RAB6A: variants seen among roughly 807,000 people sequenced by gnomAD.
RAB6A encodes the protein RAB6A, member RAS oncogene family.
Under a neutral mutation model 32.3 loss-of-function variants are expected in RAB6A, and 8 were observed. That is an observed-to-expected ratio of 0.25 (90% CI 0.15 to 0.45). The LOEUF (loss-of-function observed/expected upper bound fraction) is 0.45, where lower values mean the gene tolerates loss of function less well. Among genes scored for constraint, RAB6A ranks in the 20% least tolerant of loss-of-function variants. The probability of loss-of-function intolerance (pLI) is 1.00; values close to 1 mark genes in which losing one functional copy is unlikely to be tolerated. For synonymous variants in RAB6A, 73 were observed against 82.1 expected (o/e 0.89, Z 0.60); for missense variants, 104 against 249.4 (o/e 0.42, Z 3.93).
chr11:73,730,316 T>C (rs1946284120), intron 2 of RAB6A: 1 of 153,574 alleles, frequency 6.5e-6, no homozygotes, highest in African/African-American at 2.4e-5. Flanking sequence ...CATTTTCTAA[T>C]TTCTCTTGTG....
chr11:73,676,562 GTTAA>G lies in RAB6A; in HGVS notation c.*1332_*1335del, dbSNP rs201633357. 877 of 165,470 alleles carry G rather than the reference GTTAA, an allele frequency of 5.3e-3. 11 individuals carry two copies. Among genetic ancestry groups the G allele is most frequent in the African/African-American group, 0.02 (836 of 41,186 alleles). The allele number at this position is 165,470 out of a possible 1,614,324, so 10.3% of individuals were successfully genotyped here. ...GCTTAAATATAAAACTAAATCACCA[GTTAA>G]TTAAACTATACAGATCTAATACAAA... On this transcript the variant is annotated 3_prime_UTR_variant, in exon 8 of 8. Coordinates refer to ENST00000336083, the MANE Select transcript of RAB6A (RefSeq NM_198896.2).
intron 3 of RAB6A, among the ~76,000 whole-genome samples, chr11:73,720,214 CTT>C (rs539425151): frequency 0.012 from 1,713 of 145,618 alleles, 14 homozygotes; most frequent in Non-Finnish European, 0.019. Flanking sequence ...GAGTTTCGCT[CTT>C]GTTGCCCAGG....
At chr11:73,711,241 T>G (rs1945953108) in intron 5 of RAB6A, among the ~76,000 whole-genome samples, 1 of 152,164 alleles carries the variant, frequency 6.6e-6, no homozygotes, top group Non-Finnish European at 1.5e-5. Flanking sequence ...TGGAAGTACT[T>G]GATGCTGAGC....
chr11:73,723,010 T>C lies in RAB6A; in HGVS notation c.130-2111A>G, dbSNP rs143247959. Among the ~76,000 whole-genome samples the C allele has an allele frequency of 5.3e-3, 810 of 152,280 alleles. 7 individuals are homozygous for C. Among genetic ancestry groups the C allele is most frequent in the African/African-American group, 0.018 (738 of 41,552 alleles). On this transcript the variant is annotated intron_variant, in intron 2 of 7. Coordinates refer to ENST00000336083, the MANE Select transcript of RAB6A (RefSeq NM_198896.2). Reference sequence around the variant, plus strand: ...TTAGTAGAGATGGGGTTTTGTCATGTTGGACAGGCTGGTCTCGAACTCCTG... The same window carrying C: ...TTAGTAGAGATGGGGTTTTGTCATGCTGGACAGGCTGGTCTCGAACTCCTG...
At chr11:73,720,546 G>C (rs1471793515) in intron 3 of RAB6A, among the ~76,000 whole-genome samples, 1 of 152,128 alleles carries the variant, frequency 6.6e-6, no homozygotes, top group Non-Finnish European at 1.5e-5. Context: ...AAATCTTGAA[G>C]TTCACAAATT....
chr11:73,729,767 C>A (rs1946277042), intron 2 of RAB6A: 1 of 152,312 alleles, frequency 6.6e-6, no homozygotes, highest in African/African-American at 2.4e-5. Flanking sequence ...AATCCAAAGC[C>A]AATACCCCAG....
chr11:73,753,117 G>A (rs2135015932), intron 1 of RAB6A, among the ~76,000 whole-genome samples: 1 of 152,190 alleles, frequency 6.6e-6, no homozygotes, highest in South Asian at 2.1e-4. Flanking sequence ...GAGCGCAATG[G>A]CGAATGCCTC....
At chr11:73,679,862 A>C in intron 6 of RAB6A, 142 bp from the exon 7 acceptor site, 1 of 1,014,720 alleles carries the variant, frequency 9.9e-7, no homozygotes. Context: ...GACCCACCCG[A>C]GGTGGGCAGA....
At chr11:73,692,681 T>C (rs1226877926) in intron 6 of RAB6A, among the ~76,000 whole-genome samples, 1 of 149,882 alleles carries the variant, frequency 6.7e-6, no homozygotes, top group Non-Finnish European at 1.5e-5. Context: ...CCGGGCGCGG[T>C]GGCTCACGCC....
chr11:73,719,010 C>A, intron 3 of RAB6A: 10 of 873,358 alleles, frequency 1.1e-5, no homozygotes, highest in Non-Finnish European at 1.7e-5. Context: ...AAGACTCATG[C>A]AAGAGGTTGC....
intron 1 of RAB6A, among the ~76,000 whole-genome samples, chr11:73,743,196 T>C (rs985274765): frequency 2.0e-5 from 3 of 149,516 alleles, no homozygotes; most frequent in Non-Finnish European, 4.4e-5. Context: ...TCCCAGCTAC[T>C]CCAGAGGCTG....
intron 2 of RAB6A, chr11:73,722,339 ATATATTTTTTTT>A (rs1307273388): frequency 2.9e-3 from 31 of 10,652 alleles, no homozygotes; most frequent in Admixed American, 7.3e-3. Flanking sequence ...ATATATATAT[ATATATTTTTTTT>A]TTTTTTTTTT....
chr11:73,745,638 C>T (rs1275028010), intron 1 of RAB6A, among the ~76,000 whole-genome samples: 1 of 152,022 alleles, frequency 6.6e-6, no homozygotes, highest in African/African-American at 2.4e-5. Flanking sequence ...TGAGACCAGG[C>T]TGGCCAACAT....
intron 1 of RAB6A, among the ~76,000 whole-genome samples, chr11:73,731,703 T>TATATATA (rs1946309015): frequency 7.9e-5 from 1 of 12,604 alleles, no homozygotes; most frequent in Non-Finnish European, 1.6e-4. Context: ...TATATATATA[T>TATATATA]ATATATATAT....
intron 6 of RAB6A, among the ~76,000 whole-genome samples, chr11:73,689,379 T>C (rs928831763): frequency 5.3e-5 from 8 of 152,170 alleles, no homozygotes; most frequent in Non-Finnish European, 8.8e-5. Flanking sequence ...GAGAATATCA[T>C]GTTGCCATTG....
chr11:73,727,852 G>A (rs914050088), intron 2 of RAB6A, among the ~76,000 whole-genome samples: 6 of 152,116 alleles, frequency 3.9e-5, no homozygotes, highest in African/African-American at 1.4e-4. Flanking sequence ...ATATTACAAA[G>A]ACAAAGCAAT....
intron 2 of RAB6A, among the ~76,000 whole-genome samples, chr11:73,723,281 T>TGGG (rs4019418): frequency 0.024 from 3,646 of 151,370 alleles, 68 homozygotes; most frequent in Non-Finnish European, 0.03. Flanking sequence ...TTCCAAATAC[T>TGGG]GGGGGGGAAA....
intron 6 of RAB6A, among the ~76,000 whole-genome samples, chr11:73,697,924 G>A (rs966030662): frequency 1.1e-4 from 17 of 152,068 alleles, no homozygotes; most frequent in African/African-American, 3.9e-4. Context: ...CAGTTATACT[G>A]AAGTCCTACT....
At chr11:73,735,717 CTTATATACGAGA>C (rs934044888) in intron 1 of RAB6A, among the ~76,000 whole-genome samples, 1 of 151,974 alleles carries the variant, frequency 6.6e-6, no homozygotes, top group Non-Finnish European at 1.5e-5. Context: ...CGTAACTCTA[CTTATATACGAGA>C]TTACCTAAAT....
Sources: allele counts gnomAD v4.1 joint callset (sites outside exome capture counted in the v4.1 genomes callset), GRCh38; gene constraint gnomAD v4.1.1; transcripts MANE v1.5; gene names NCBI Gene and HGNC (gene_info 2026-07-23, HGNC 2026-07-21).